The following SLC9C1 variants were observed in gnomAD, a reference collection of about 807,000 sequenced individuals.
SLC9C1 encodes the protein solute carrier family 9 member C1.
In SLC9C1, 97 loss-of-function variants were observed where a neutral mutation model predicts 140.9. The observed-to-expected ratio is 0.69, with a 90% CI of 0.58 to 0.82. The LOEUF (loss-of-function observed/expected upper bound fraction) is 0.82. SLC9C1 is among the 40% of genes least tolerant of loss of function. The pLI, the probability that SLC9C1 is intolerant of heterozygous loss-of-function variation, is 0.00. For synonymous variants in SLC9C1, 440 were observed against 442.6 expected (o/e 0.99, Z 0.07); for missense variants, 1,340 against 1,389.3 (o/e 0.96, Z 0.56).
Position 112,169,242 on chromosome 3 carries a change from T to C in SLC9C1, c.3006A>G (p.Gly1002=). ...TGATTTTTCTGGCTGTAATAGCGAG[T>C]CCAAGTTTTAGCCACATTTTTTGTT... The part of the protein sequence containing the change: ...LIKQKMWLKL[G]LAITARKIRE... The change falls in exon 24 of 29, where the codon GGA becomes GGG. Residue 1002 remains glycine, a synonymous_variant. Coordinates refer to ENST00000305815, the MANE Select transcript of SLC9C1 (RefSeq NM_183061.3). 1 of 1,613,578 alleles carries C rather than the reference T, an allele frequency of 6.2e-7. No individual in the cohort carries two copies. Among genetic ancestry groups the C allele is most frequent in the South Asian group, 1.1e-5 (1 of 91,026 alleles).
intron 28 of SLC9C1, among the ~76,000 whole-genome samples, chr3:112,146,224 C>T (rs2074792335): frequency 6.6e-6 from 1 of 151,578 alleles, no homozygotes. Context: ...TTTAATCTAG[C>T]TAGTGATCTA....
At chr3:112,213,315 C>T (rs1388097629) in intron 15 of SLC9C1, among the ~76,000 whole-genome samples, 2 of 152,138 alleles carry the variant, frequency 1.3e-5, no homozygotes, top group Non-Finnish European at 2.9e-5. Context: ...GCAAAATAAC[C>T]AGCTAACATC....
At chr3:112,267,348 G>T (rs150936242) in intron 7 of SLC9C1, among the ~76,000 whole-genome samples, 2,653 of 151,942 alleles carry the variant, frequency 0.017, 82 homozygotes, top group African/African-American at 0.06. Flanking sequence ...AGGCCAAGGC[G>T]GGTGGATCAT....
intron 27 of SLC9C1, among the ~76,000 whole-genome samples, chr3:112,152,425 C>T (rs528494657): frequency 9.9e-5 from 15 of 152,214 alleles, no homozygotes; most frequent in South Asian, 2.1e-4. Flanking sequence ...AGCCATGAGG[C>T]GATTTTCTCC....
At chr3:112,246,212 C>A (rs1207104449) in intron 10 of SLC9C1, among the ~76,000 whole-genome samples, 1 of 152,068 alleles carries the variant, frequency 6.6e-6, no homozygotes, top group Non-Finnish European at 1.5e-5. Flanking sequence ...GTAAAGGCAC[C>A]CAGTAGGCTT....
In SLC9C1 at chr3:112,179,719, A is replaced by G; in HGVS notation, c.2749-18T>C. Reference sequence around the variant, plus strand: ...TTTTCAAGCTGTTCAGGAACAAAGAAAGAGAAAAATACATATGCCAGTTAA... The same window carrying G: ...TTTTCAAGCTGTTCAGGAACAAAGAGAGAGAAAAATACATATGCCAGTTAA... On this transcript the variant is annotated intron_variant, in intron 22 of 28. Coordinates refer to ENST00000305815, the MANE Select transcript of SLC9C1 (RefSeq NM_183061.3). 1 of 1,563,992 alleles carries G rather than the reference A, an allele frequency of 6.4e-7. No individual in the cohort carries two copies.
At chr3:112,275,158 C>A in intron 5 of SLC9C1, 133 bp from the exon 6 acceptor site, 2 of 914,272 alleles carry the variant, frequency 2.2e-6, no homozygotes, top group Non-Finnish European at 3.0e-6. Context: ...TAAGTTTAGA[C>A]AATCATAATT....
At chr3:112,220,002 A>G (rs371216819) in intron 14 of SLC9C1, among the ~76,000 whole-genome samples, 6 of 152,286 alleles carry the variant, frequency 3.9e-5, no homozygotes, top group Admixed American at 2.0e-4. Flanking sequence ...ATTGTTTTGA[A>G]TTGATCACAT....
intron 11 of SLC9C1, among the ~76,000 whole-genome samples, chr3:112,241,355 C>CA (rs58072882): frequency 2.9e-5 from 3 of 101,784 alleles, no homozygotes; most frequent in Non-Finnish European, 6.1e-5. Context: ...AAAATAGCCA[C>CA]AAAAAAAGAG....
chr3:112,229,375 A>G (rs2078762405), intron 13 of SLC9C1, among the ~76,000 whole-genome samples: 1 of 152,150 alleles, frequency 6.6e-6, no homozygotes, highest in African/African-American at 2.4e-5. Flanking sequence ...GAAGTGATCT[A>G]TATGCTTATC....
chr3:112,156,545 A>G (rs979393730), intron 26 of SLC9C1, among the ~76,000 whole-genome samples: 2 of 152,026 alleles, frequency 1.3e-5, no homozygotes, highest in African/African-American at 4.8e-5. Flanking sequence ...CAGCAGTGGG[A>G]TTGCTAGATC....
chr3:112,217,917 T>TA (rs2078429421), intron 14 of SLC9C1, among the ~76,000 whole-genome samples: 1 of 152,234 alleles, frequency 6.6e-6, no homozygotes, highest in African/African-American at 2.4e-5. Flanking sequence ...ATTACCTCAT[T>TA]AACTTGCTTG....
intron 23 of SLC9C1, among the ~76,000 whole-genome samples, chr3:112,174,715 G>A (rs925034781): frequency 1.3e-5 from 2 of 152,156 alleles, no homozygotes; most frequent in Non-Finnish European, 1.5e-5. Context: ...TTCCTTTCCA[G>A]TGTCAGGGCT....
intron 10 of SLC9C1, among the ~76,000 whole-genome samples, chr3:112,245,833 C>T (rs1172009174): frequency 6.6e-6 from 1 of 152,042 alleles, no homozygotes; most frequent in Non-Finnish European, 1.5e-5. Flanking sequence ...ATATATTTTA[C>T]ATAGGTTTTT....
chr3:112,186,249 GGT>G (rs2077537728), intron 20 of SLC9C1, among the ~76,000 whole-genome samples: 4 of 64,352 alleles, frequency 6.2e-5, no homozygotes, highest in African/African-American at 2.1e-4. Context: ...AATCCAATTT[GGT>G]ATCCTATTGA....
At chr3:112,184,739 A>G (rs1156964524) in intron 20 of SLC9C1, among the ~76,000 whole-genome samples, 4 of 152,230 alleles carry the variant, frequency 2.6e-5, no homozygotes, top group Non-Finnish European at 4.4e-5. Context: ...AACCACAAGC[A>G]TGGATCAGCC....
In SLC9C1 at chr3:112,169,063, C is replaced by T. The variant is rs1343684549; in HGVS notation, c.3052-1G>A. ...TTAGTTGCATATTGTAGTTCCAATC[C>T]TGTTTTAGAAAACACAATTTCAGTC... On this transcript the variant is annotated splice_acceptor_variant, in intron 24 of 28. Coordinates refer to ENST00000305815, the MANE Select transcript of SLC9C1 (RefSeq NM_183061.3). LOFTEE classifies it high-confidence loss of function. The T allele has an allele frequency of 1.9e-6, 3 of 1,581,566 alleles. No individual in the cohort carries two copies. In the Admixed American group the frequency reaches 5.6e-5, roughly 29 times the overall value.
intron 14 of SLC9C1, among the ~76,000 whole-genome samples, chr3:112,218,445 AT>A (rs10537019): frequency 1.4e-5 from 2 of 143,228 alleles, no homozygotes; most frequent in African/African-American, 2.6e-5. Flanking sequence ...TTGTATATAT[AT>A]TTTTTTTTTT....
chr3:112,156,100 C>G (rs1313042657), intron 26 of SLC9C1, among the ~76,000 whole-genome samples: 1 of 151,820 alleles, frequency 6.6e-6, no homozygotes, highest in African/African-American at 2.4e-5. Flanking sequence ...TAGAACTTTT[C>G]CCCTCTAACT....
Sources: gnomAD v4.1 joint callset for allele counts (sites outside exome capture counted in the v4.1 genomes callset) on GRCh38, gnomAD v4.1.1 for gene constraint, MANE v1.5 for transcripts, NCBI Gene and HGNC (gene_info 2026-07-23, HGNC 2026-07-21) for gene names.